Variants in OR4C11 observed in about 807,000 individuals in gnomAD.
OR4C11 encodes the protein olfactory receptor 4C11.
In OR4C11, 15 loss-of-function variants were observed where a neutral mutation model predicts 14.7. The observed-to-expected ratio is 1.02, with a 90% CI of 0.68 to 1.58. The LOEUF is 1.58. Ranked by LOEUF, OR4C11 falls within the 40% of genes most tolerant of loss-of-function variation. The pLI is 0.00. For missense variants in OR4C11, 473 were observed against 383.0 expected, an observed-to-expected ratio of 1.24 and a Z score of -1.96; for synonymous variants, 146 against 135.0, an observed-to-expected ratio of 1.08 and a Z score of -0.57.
chr11:55,606,659 G>A lies in OR4C11; in HGVS notation c.-344C>T, dbSNP rs1260778912. 7.2e-6 allele frequency: 1 copy of A among 138,322 alleles called. No homozygotes were observed. The highest frequency in any genetic ancestry group is 1.6e-5 in the Non-Finnish European group (1 of 62,150). The allele number at this position is 138,322 out of a possible 1,614,324, so 8.6% of individuals were successfully genotyped here. The stretch of plus-strand genomic sequence containing the variant: ...AAATTTGAGTAAGTCAGATATAGCA[G>A]TAGTGTTGAAACTCAGGGCTCTGTA... On this transcript the variant is annotated 5_prime_UTR_variant, in exon 2 of 4. Coordinates refer to ENST00000641580, the MANE Select transcript of OR4C11 (RefSeq NM_001004700.3).
intron 3 of OR4C11, among the ~76,000 whole-genome samples, 155 bp downstream of exon 3, chr11:55,604,971 T>G (rs1194808949): frequency 1.4e-5 from 2 of 138,136 alleles, no homozygotes; most frequent in East Asian, 2.4e-4. Context: ...AAAATTTACA[T>G]GTATGTGGGT....
rs570233145 is a variant in OR4C11, at chr11:55,606,186, CTG to C, written c.-207+334_-207+335del. Reference sequence around the variant, plus strand: ...ATAAGAATGAAGCAGATACAGATAGCTGTGTGTTTATATGCACACGCACGCAC... The same window carrying C: ...ATAAGAATGAAGCAGATACAGATAGCTGTGTTTATATGCACACGCACGCAC... On this transcript the variant is annotated intron_variant, in intron 2 of 3. Transcript: ENST00000641580. 3.8e-3 allele frequency among the ~76,000 whole-genome samples: 494 copies of C among 130,858 alleles called. 45 individuals carry two copies. Among genetic ancestry groups the C allele is most frequent in the African/African-American group, 0.012 (457 of 37,988 alleles). 85.8% of individuals were successfully genotyped at this position (130,858 alleles called of 152,430 possible).
In OR4C11 at chr11:55,604,127, C is replaced by T. The variant is rs763504992; in HGVS notation, c.247G>A (p.Ala83Thr). Residue 83 changes from alanine to threonine, a missense_variant, in exon 4 of 4, where the codon GCT (alanine) becomes ACT (threonine). Ala to Thr is a moderately conservative substitution (Grantham distance 58). Transcript: ENST00000641580. ...GTTATAATTTTCTTTTCAGAGAGAG[C>T]ATCCACAATTAATCTAGGGGCTGTG... is the stretch of plus-strand genomic sequence containing the variant. ...TSTAPRLIVD[A>T]LSEKKIITYN... The T allele has an allele frequency of 6.1e-6, 9 of 1,471,822 alleles. 1 individual carries two copies. Among genetic ancestry groups the T allele is most frequent in the East Asian group, 5.2e-5 (2 of 38,688 alleles). 91.2% of individuals were successfully genotyped at this position (1,471,822 alleles called of 1,614,324 possible). A position where few individuals can be genotyped will look rare whatever the true frequency, so the allele number is the denominator to read the frequency against.
In OR4C11 at chr11:55,604,319, G is replaced by C. The variant is rs1249159485; in HGVS notation, c.55C>G (p.Pro19Ala). ...ACAAACACTATTTTCTGCCTCAAGG[G>C]ATCCTGTGTTAATCCTAACAGTATG... ...EFILLGLTQD[P>A]LRQKIVFVIF... The change falls in exon 4 of 4, where the codon CCC becomes GCC. Residue 19 changes from proline to alanine, a missense_variant. By Grantham distance (27) the Pro-to-Ala change is conservative. Transcript: ENST00000641580. 1 of 1,424,180 alleles carries C rather than the reference G, an allele frequency of 7.0e-7. No homozygotes were observed. Among genetic ancestry groups the C allele is most frequent in the Non-Finnish European group, 9.6e-7 (1 of 1,045,234 alleles). The allele number at this position is 1,424,180 out of a possible 1,614,324, so 88.2% of individuals were successfully genotyped here.
chr11:55,606,821 A>G (rs944986004), intron 1 of OR4C11, 142 bp from the exon 2 acceptor site: 1 of 138,802 alleles, frequency 7.2e-6, no homozygotes, highest in South Asian at 2.3e-4. Context: ...AAAGACACAC[A>G]CACATGCATG....
In OR4C11 at chr11:55,604,071, T is replaced by G; in HGVS notation, c.303A>C (p.Ala101=). Reference sequence around the variant, plus strand: ...TCTCCATGCAGCCAAATAAATGTAGTGCAAAGACTTGTGTCATGCACTCAT... The same window carrying G: ...TCTCCATGCAGCCAAATAAATGTAGGGCAAAGACTTGTGTCATGCACTCAT... ...TYNECMTQVF[A]LHLFGCMEIF... is the part of the protein sequence containing the mutation. Residue 101 remains alanine, a synonymous_variant, in exon 4 of 4, where the codon GCA becomes GCC. Transcript: ENST00000641580. The G allele has an allele frequency of 1.3e-6, 2 of 1,488,206 alleles. No homozygotes were observed. Among genetic ancestry groups the G allele is most frequent in the Non-Finnish European group, 1.8e-6 (2 of 1,093,472 alleles). 92.2% of individuals were successfully genotyped at this position (1,488,206 alleles called of 1,614,324 possible).
In OR4C11 at chr11:55,603,848, A is replaced by G; in HGVS notation, c.526T>C (p.Cys176Arg). The G allele has an allele frequency of 6.7e-7, 1 of 1,492,570 alleles. No homozygotes were observed. Among genetic ancestry groups the G allele is most frequent in the Admixed American group, 2.0e-5 (1 of 49,884 alleles). The allele number at this position is 1,492,570 out of a possible 1,614,324, so 92.5% of individuals were successfully genotyped here. Residue 176 changes from cysteine (C) to arginine (R), a missense_variant, in exon 4 of 4, where the codon TGC (cysteine) becomes CGC (arginine). Transcript: ENST00000641580. ...TTCAACAAGGGCTGCAAATCACAGC[A>G]ATAATGATCAATCAAATAGGGTCCA... Reference protein sequence around the residue: ...FCGPYLIDHYCCDLQPLLKLA... With the variant: ...FCGPYLIDHYRCDLQPLLKLA...
chr11:55,607,545 T>C lies in OR4C11; in HGVS notation c.-623A>G, dbSNP rs1857978344. ...TATATTAGGATGTTCAATTGCCCTC[T>C]TTTCTTCCCAATATAATTTGGAGGC... On this transcript the variant is annotated 5_prime_UTR_variant, in exon 1 of 4. Coordinates refer to ENST00000641580, the MANE Select transcript of OR4C11 (RefSeq NM_001004700.3). The C allele has an allele frequency of 7.2e-6, 1 of 138,268 alleles. No individual in the cohort carries two copies. Among genetic ancestry groups the C allele is most frequent in the African/African-American group, 2.5e-5 (1 of 39,816 alleles). 8.6% of individuals were successfully genotyped at this position (138,268 alleles called of 1,614,324 possible).
chr11:55,604,281 A>C lies in OR4C11; in HGVS notation c.93T>G (p.Ile31Met). 7.0e-7 allele frequency: 1 copy of C among 1,433,922 alleles called. No individual in the cohort carries two copies. The allele number at this position is 1,433,922 out of a possible 1,614,324, so 88.8% of individuals were successfully genotyped here. Residue 31 changes from isoleucine (I) to methionine (M), a missense_variant, in exon 4 of 4, where the codon ATT (isoleucine) becomes ATG (methionine). By Grantham distance (10) the Ile-to-Met change is conservative (BLOSUM62 1). Transcript: ENST00000641580. ...TCCCCACCACAGTTCCCATATAGAA[A>C]ATTAAGAAGATTACAAACACTATTT... ...RQKIVFVIFL[I>M]FYMGTVVGNM...
chr11:55,602,826 T>C lies in OR4C11; in HGVS notation c.*615A>G, dbSNP rs1295884351. On this transcript the variant is annotated 3_prime_UTR_variant, in exon 4 of 4. Transcript: ENST00000641580. ...AGTGATAAAATGTAAATGGGCATCT[T>C]GATATACTGAGTTAGTTCCTTTTCC... 1 of 139,046 alleles carries C rather than the reference T, an allele frequency of 7.2e-6. No homozygotes were observed. The highest frequency in any genetic ancestry group is 1.6e-5 in the Non-Finnish European group (1 of 62,352). The allele number at this position is 139,046 out of a possible 1,614,324, so 8.6% of individuals were successfully genotyped here. A position where few individuals can be genotyped will look rare whatever the true frequency, so the allele number is the denominator to read the frequency against.
rs780393667 is a variant in OR4C11, at chr11:55,604,345, A to T, written c.29T>A (p.Phe10Tyr). The T allele has an allele frequency of 3.7e-5, 51 of 1,374,266 alleles. 6 individuals carry two copies. Among genetic ancestry groups the T allele is most frequent in the Non-Finnish European group, 4.8e-5 (49 of 1,012,606 alleles). 85.1% of individuals were successfully genotyped at this position (1,374,266 alleles called of 1,614,324 possible). A position where few individuals can be genotyped will look rare whatever the true frequency, so the allele number is the denominator to read the frequency against. Residue 10 changes from phenylalanine to tyrosine, a missense_variant, in exon 4 of 4, where the codon TTC becomes TAC. Coordinates refer to ENST00000641580, the MANE Select transcript of OR4C11 (RefSeq NM_001004700.3). MQQNNSVPE[F>Y]ILLGLTQDPL... ...ATCCTGTGTTAATCCTAACAGTATG[A>T]ATTCAGGCACACTGTTATTTTGCTG...
intron 3 of OR4C11, among the ~76,000 whole-genome samples, 186 bp downstream of exon 3, chr11:55,604,940 C>T (rs1364055722): frequency 7.3e-6 from 1 of 137,772 alleles, no homozygotes; most frequent in Non-Finnish European, 1.6e-5. Flanking sequence ...TGTTTAAATA[C>T]TTGAGAATAC....
chr11:55,604,233 G>T lies in OR4C11; in HGVS notation c.141C>A (p.Ile47=). 1.4e-6 allele frequency: 2 copies of T among 1,473,802 alleles called. 1 individual carries two copies. The highest frequency in any genetic ancestry group is 1.9e-6 in the Non-Finnish European group (2 of 1,080,872). The allele number at this position is 1,473,802 out of a possible 1,614,324, so 91.3% of individuals were successfully genotyped here. A position where few individuals can be genotyped will look rare whatever the true frequency, so the allele number is the denominator to read the frequency against. The stretch of plus-strand genomic sequence containing the variant: ...GGCTTCCTAGTGTCCGGCTGGACTT[G>T]ATGGTCACAATAATGAGCATATTCC... ...VVGNMLIIVT[I]KSSRTLGSPM... The change falls in exon 4 of 4, where the codon ATC becomes ATA. Residue 47 remains isoleucine (I), a synonymous_variant. Coordinates refer to ENST00000641580, the MANE Select transcript of OR4C11 (RefSeq NM_001004700.3).
Position 55,603,381 on chromosome 11 carries a change from C to T in OR4C11, c.*60G>A, listed in dbSNP as rs1170947018. 31 of 844,496 alleles carry T rather than the reference C, an allele frequency of 3.7e-5. 6 individuals carry two copies. In the African/African-American group the frequency reaches 4.2e-4, roughly 11 times the overall value. 52.3% of individuals were successfully genotyped at this position (844,496 alleles called of 1,614,324 possible). A position where few individuals can be genotyped will look rare whatever the true frequency, so the allele number is the denominator to read the frequency against. On this transcript the variant is annotated 3_prime_UTR_variant, in exon 4 of 4. Transcript: ENST00000641580. ...ATTCAGGTACTTTCCTATTTGCTGT[C>T]TATACTTACTCTGTTAAATCATGAT...
In OR4C11 at chr11:55,603,066, G is replaced by A. The variant is rs1318003336; in HGVS notation, c.*375C>T. On this transcript the variant is annotated 3_prime_UTR_variant, in exon 4 of 4. Transcript: ENST00000641580. The stretch of plus-strand genomic sequence containing the variant: ...TAGGAAAAGGAAGAGCCAAATTGAA[G>A]ATTTCAGGGAGTTTATCAGTCTGTG... 2.0e-5 allele frequency: 3 copies of A among 148,422 alleles called. 1 individual carries two copies. Among genetic ancestry groups the A allele is most frequent in the Non-Finnish European group, 4.4e-5 (3 of 68,594 alleles). 9.2% of individuals were successfully genotyped at this position (148,422 alleles called of 1,614,324 possible).
chr11:55,603,125 A>T lies in OR4C11; in HGVS notation c.*316T>A, dbSNP rs565404705. On this transcript the variant is annotated 3_prime_UTR_variant, in exon 4 of 4. Transcript: ENST00000641580. The stretch of plus-strand genomic sequence containing the variant: ...CACAGGAAAGAAGTAAGAAAATCAG[A>T]TGCATTAGATTAGAGTGCATAGAGA... 75 of 176,896 alleles carry T rather than the reference A, an allele frequency of 4.2e-4. 10 individuals are homozygous for T. The South Asian group carries it at 8.0e-3, about 19-fold the overall frequency. The allele number at this position is 176,896 out of a possible 1,614,324, so 11.0% of individuals were successfully genotyped here.
chr11:55,603,589 G>A lies in OR4C11; in HGVS notation c.785C>T (p.Thr262Ile). 1 of 1,482,550 alleles carries A rather than the reference G, an allele frequency of 6.7e-7. No homozygotes were observed. Among genetic ancestry groups the A allele is most frequent in the South Asian group, 1.2e-5 (1 of 84,674 alleles). The allele number at this position is 1,482,550 out of a possible 1,614,324, so 91.8% of individuals were successfully genotyped here. A position where few individuals can be genotyped will look rare whatever the true frequency, so the allele number is the denominator to read the frequency against. Residue 262 changes from threonine (T) to isoleucine (I), a missense_variant, in exon 4 of 4, where the codon ACT (threonine) becomes ATT (isoleucine). By Grantham distance (89) the Thr-to-Ile change is moderately conservative. Coordinates refer to ENST00000641580, the MANE Select transcript of OR4C11 (RefSeq NM_001004700.3). ...CIFIYTRPPT[T>I]FPMDKMVAVF... ...TGCCACCATCTTGTCCATGGGGAAA[G>A]TGGTCGGGGGGCGTGTATATATGAA... is the stretch of plus-strand genomic sequence containing the variant.
chr11:55,604,650 C>G lies in OR4C11; in HGVS notation c.-44-233G>C, dbSNP rs1032104176. 2.0e-4 allele frequency among the ~76,000 whole-genome samples: 28 copies of G among 137,620 alleles called. 2 individuals carry two copies. The highest frequency in any genetic ancestry group is 6.8e-4 in the African/African-American group (27 of 39,890). The allele number at this position is 137,620 out of a possible 152,430, so 90.3% of individuals were successfully genotyped here. A position where few individuals can be genotyped will look rare whatever the true frequency, so the allele number is the denominator to read the frequency against. On this transcript the variant is annotated intron_variant, in intron 3 of 3. Transcript: ENST00000641580. ...GGACTGCAGTGGCATGACAAAATTACACATGAAAATAATACAATTAGAAAT... is the reference window on the plus strand; with the variant it reads ...GGACTGCAGTGGCATGACAAAATTAGACATGAAAATAATACAATTAGAAAT...
chr11:55,602,828 A>T lies in OR4C11; in HGVS notation c.*613T>A, dbSNP rs1350174510. On this transcript the variant is annotated 3_prime_UTR_variant, in exon 4 of 4. Coordinates refer to ENST00000641580, the MANE Select transcript of OR4C11 (RefSeq NM_001004700.3). Reference sequence around the variant, plus strand: ...TGATAAAATGTAAATGGGCATCTTGATATACTGAGTTAGTTCCTTTTCCCT... The same window carrying T: ...TGATAAAATGTAAATGGGCATCTTGTTATACTGAGTTAGTTCCTTTTCCCT... The T allele has an allele frequency of 7.2e-6, 1 of 139,092 alleles. No individual in the cohort carries two copies. The highest frequency in any genetic ancestry group is 2.5e-5 in the African/African-American group (1 of 40,112). The allele number at this position is 139,092 out of a possible 1,614,324, so 8.6% of individuals were successfully genotyped here. A position where few individuals can be genotyped will look rare whatever the true frequency, so the allele number is the denominator to read the frequency against.
Sources: allele counts gnomAD v4.1 joint callset (sites outside exome capture counted in the v4.1 genomes callset), GRCh38; gene constraint gnomAD v4.1.1; transcripts MANE v1.5; gene names NCBI Gene and HGNC (gene_info 2026-07-23, HGNC 2026-07-21).